LRRC4C: variants seen among roughly 807,000 people sequenced by gnomAD.
The protein encoded by LRRC4C is leucine rich repeat containing 4C.
LRRC4C carries 5 observed loss-of-function variants against 33.6 expected under a neutral mutation model. The observed-to-expected ratio is 0.15, with a 90% CI of 0.08 to 0.31. The LOEUF (loss-of-function observed/expected upper bound fraction) is 0.31, where lower values mean the gene tolerates loss of function less well. LRRC4C is among the 10% of genes least tolerant of loss of function. The pLI is 1.00. For synonymous variants in LRRC4C, 329 were observed against 302.0 expected (o/e 1.09, Z -0.93); for missense variants, 560 against 796.7 (o/e 0.70, Z 3.58).
In LRRC4C at chr11:40,706,014, G is replaced by C. The variant is rs899094080; in HGVS notation, c.-406-57736C>G. 1.1e-4 allele frequency among the ~76,000 whole-genome samples: 16 copies of C among 152,248 alleles called. 1 individual carries two copies. In the East Asian group the frequency reaches 3.1e-3, roughly 30 times the overall value. ...CTGCATAAATGTCTTATTTTGAGAA[G>C]TGTATGTTCATATCCTTTGCCCACA... On this transcript the variant is annotated intron_variant, in intron 2 of 6. Transcript: ENST00000528697.
chr11:40,615,238 T>TTATATA (rs756021420), intron 3 of LRRC4C, among the ~76,000 whole-genome samples: 909 of 88,058 alleles, frequency 0.01, 23 homozygotes, highest in African/African-American at 0.025. Flanking sequence ...TTGATTTATT[T>TTATATA]TATATATATA....
intron 3 of LRRC4C, among the ~76,000 whole-genome samples, chr11:40,467,895 T>C (rs1324065290): frequency 1.3e-5 from 2 of 152,170 alleles, no homozygotes; most frequent in Non-Finnish European, 2.9e-5. Context: ...ATTTGTTTGT[T>C]TGTTTGTTTT....
At chr11:40,968,570 T>C (rs1211451826) in intron 1 of LRRC4C, among the ~76,000 whole-genome samples, 1 of 152,100 alleles carries the variant, frequency 6.6e-6, no homozygotes, top group East Asian at 1.9e-4. Context: ...TAGGGGCCAA[T>C]AAAACTGGTG....
intron 2 of LRRC4C, among the ~76,000 whole-genome samples, chr11:40,745,284 C>A (rs2136937925): frequency 6.6e-6 from 1 of 152,228 alleles, no homozygotes; most frequent in East Asian, 1.9e-4. Context: ...TAGGGGAGAA[C>A]TGAGAAATAG....
intron 4 of LRRC4C, among the ~76,000 whole-genome samples, chr11:40,300,258 C>A (rs548305761): frequency 6.6e-6 from 1 of 152,270 alleles, no homozygotes; most frequent in East Asian, 1.9e-4. Flanking sequence ...CCACCTCCAA[C>A]ATTAGGGATT....
chr11:40,357,487 A>G (rs1037674492), intron 3 of LRRC4C, among the ~76,000 whole-genome samples: 1 of 152,150 alleles, frequency 6.6e-6, no homozygotes, highest in African/African-American at 2.4e-5. Flanking sequence ...TTCAGTTCTC[A>G]CCCAAATGAA....
intron 2 of LRRC4C, among the ~76,000 whole-genome samples, chr11:40,913,713 G>A (rs1452236937): frequency 2.6e-5 from 4 of 152,126 alleles, no homozygotes; most frequent in Non-Finnish European, 5.9e-5. Flanking sequence ...AGAACTGAAG[G>A]AAATAGAGAC....
At chr11:40,499,804 C>A (rs1270933264) in intron 3 of LRRC4C, among the ~76,000 whole-genome samples, 1 of 152,096 alleles carries the variant, frequency 6.6e-6, no homozygotes, top group East Asian at 1.9e-4. Flanking sequence ...AGAACCTCAA[C>A]AAACAAGCTG....
At chr11:40,236,868 T>C (rs1865600904) in intron 5 of LRRC4C, among the ~76,000 whole-genome samples, 1 of 152,148 alleles carries the variant, frequency 6.6e-6, no homozygotes, top group Non-Finnish European at 1.5e-5. Flanking sequence ...GAGTTCAGAC[T>C]GTCCTGACAA....
chr11:40,641,808 G>A (rs1472308), intron 3 of LRRC4C, among the ~76,000 whole-genome samples: 55,290 of 151,958 alleles, frequency 0.36, 10,192 homozygotes, highest in South Asian at 0.4. Flanking sequence ...GAGTTTGTTA[G>A]CTGTGACTCT....
chr11:41,142,136 T>TAA (rs982689422), intron 1 of LRRC4C, among the ~76,000 whole-genome samples: 3 of 152,158 alleles, frequency 2.0e-5, no homozygotes, highest in African/African-American at 4.8e-5. Context: ...TATATATATA[T>TAA]AACAGGTATT....
rs118175634 is a variant in LRRC4C at position 40,801,447 on chromosome 11, T to A, written c.-407+132188A>T. On this transcript the variant is annotated intron_variant, in intron 2 of 6. Coordinates refer to ENST00000528697, the MANE Select transcript of LRRC4C (RefSeq NM_001258419.2). ...CCACTTTATAGCAATTACTTCTTTC[T>A]TATGTTACAGTGGTTTAAGTGTATT... Among the ~76,000 whole-genome samples, 137 of 152,316 alleles carry A rather than the reference T, an allele frequency of 9.0e-4. 1 individual carries two copies. The East Asian group carries it at 0.024, about 26-fold the overall frequency.
At chr11:41,228,958 A>C (rs1947662973) in intron 1 of LRRC4C, among the ~76,000 whole-genome samples, 1 of 152,064 alleles carries the variant, frequency 6.6e-6, no homozygotes, top group Non-Finnish European at 1.5e-5. Flanking sequence ...TTGAATGTTT[A>C]AACACAGTCA....
chr11:41,150,722 G>A (rs954851340), intron 1 of LRRC4C, among the ~76,000 whole-genome samples: 7 of 151,826 alleles, frequency 4.6e-5, no homozygotes, highest in Non-Finnish European at 1.0e-4. Context: ...CCAGGACGCA[G>A]AGGTTGCAGT....
intron 3 of LRRC4C, among the ~76,000 whole-genome samples, chr11:40,521,742 G>A (rs968120406): frequency 3.3e-5 from 5 of 151,994 alleles, no homozygotes; most frequent in Non-Finnish European, 5.9e-5. Flanking sequence ...TGTGGTGTGC[G>A]CCTGTAGTCC....
chr11:40,458,824 A>G (rs1358706237), intron 3 of LRRC4C, among the ~76,000 whole-genome samples: 1 of 152,208 alleles, frequency 6.6e-6, no homozygotes, highest in Non-Finnish European at 1.5e-5. Context: ...ACTTGGCTTC[A>G]AAGAGTAATA....
chr11:40,434,475 C>T (rs1273938074), intron 3 of LRRC4C, among the ~76,000 whole-genome samples: 1 of 152,188 alleles, frequency 6.6e-6, no homozygotes, highest in Non-Finnish European at 1.5e-5. Flanking sequence ...AGTGGCAAGA[C>T]ACACGACTGC....
intron 3 of LRRC4C, among the ~76,000 whole-genome samples, chr11:40,619,924 ATT>A (rs552331003): frequency 5.5e-3 from 280 of 51,372 alleles, no homozygotes; most frequent in Middle Eastern, 0.017. Flanking sequence ...GTTGGTGGTT[ATT>A]ATTCATTGTA....
At chr11:40,199,492 A>G (rs929049897) in intron 5 of LRRC4C, among the ~76,000 whole-genome samples, 8 of 152,292 alleles carry the variant, frequency 5.3e-5, no homozygotes, top group Middle Eastern at 3.4e-3. Flanking sequence ...GCAATGAGCC[A>G]CTAGGTTTTG....
Sources: allele counts gnomAD v4.1 joint callset (sites outside exome capture counted in the v4.1 genomes callset), GRCh38; gene constraint gnomAD v4.1.1; transcripts MANE v1.5; gene names NCBI Gene and HGNC (gene_info 2026-07-23, HGNC 2026-07-21).